GULP1: variants seen among roughly 807,000 people sequenced by gnomAD.
GULP1 encodes the protein GULP PTB domain containing engulfment adaptor 1.
GULP1 carries 19 observed loss-of-function variants against 40.9 expected under a neutral mutation model. The observed-to-expected ratio is 0.46, with a 90% CI of 0.32 to 0.68. The LOEUF (loss-of-function observed/expected upper bound fraction) is 0.68. Among genes scored for constraint, GULP1 ranks in the 30% least tolerant of loss-of-function variants. The probability of loss-of-function intolerance (pLI) is 0.03; values close to 1 mark genes in which losing one functional copy is unlikely to be tolerated. For synonymous variants in GULP1, 119 were observed against 117.6 expected (o/e 1.01, Z -0.08); for missense variants, 312 against 362.2 (o/e 0.86, Z 1.12).
intron 4 of GULP1, among the ~76,000 whole-genome samples, chr2:188,510,795 C>G (rs1294417882): frequency 4.0e-5 from 6 of 148,564 alleles, no homozygotes; most frequent in Non-Finnish European, 8.9e-5. Context: ...TGAAAGTAAC[C>G]AATACCAGTT....
chr2:188,323,650 ATG>A (rs112584285), intron 1 of GULP1, among the ~76,000 whole-genome samples: 12,142 of 143,246 alleles, frequency 0.085, 526 homozygotes, highest in Non-Finnish European at 0.094. Context: ...ATCTGAAGAT[ATG>A]TGTGTGTGTG....
intron 2 of GULP1, among the ~76,000 whole-genome samples, chr2:188,461,303 C>T (rs1447779686): frequency 1.4e-5 from 2 of 143,520 alleles, no homozygotes; most frequent in East Asian, 4.3e-4. Context: ...TCCTGGGCTT[C>T]ATTTTACTGG....
chr2:188,488,032 C>T (rs984279894), intron 4 of GULP1, among the ~76,000 whole-genome samples: 2 of 151,996 alleles, frequency 1.3e-5, no homozygotes, highest in Non-Finnish European at 2.9e-5. Flanking sequence ...TCAGATGTGA[C>T]AGTAAGATAT....
intron 1 of GULP1, among the ~76,000 whole-genome samples, chr2:188,315,760 G>A (rs2038979074): frequency 1.3e-5 from 2 of 151,860 alleles, no homozygotes; most frequent in South Asian, 4.2e-4. Flanking sequence ...TATAAATTAG[G>A]CACAGTAAAG....
intron 1 of GULP1, among the ~76,000 whole-genome samples, chr2:188,316,866 T>C (rs2039163075): frequency 6.6e-6 from 1 of 152,164 alleles, no homozygotes; most frequent in South Asian, 2.1e-4. Context: ...GTGCCAGGCA[T>C]GATAGGCTTT....
At chr2:188,392,879 T>G (rs2050713784) in intron 2 of GULP1, among the ~76,000 whole-genome samples, 1 of 152,082 alleles carries the variant, frequency 6.6e-6, no homozygotes, top group African/African-American at 2.4e-5. Context: ...TTAATTTCCA[T>G]GTATTTGTAT....
At chr2:188,415,038 G>T (rs1173374550) in intron 2 of GULP1, among the ~76,000 whole-genome samples, 1 of 152,078 alleles carries the variant, frequency 6.6e-6, no homozygotes, top group Non-Finnish European at 1.5e-5. Context: ...AGAATGCATT[G>T]TTTAAAGATG....
intron 2 of GULP1, among the ~76,000 whole-genome samples, chr2:188,458,096 C>G (rs1170737432): frequency 2.6e-5 from 4 of 152,130 alleles, no homozygotes; most frequent in African/African-American, 9.7e-5. Flanking sequence ...TCTACACTTT[C>G]CCATCACCAA....
chr2:188,460,286 A>G (rs1025931551), intron 2 of GULP1, among the ~76,000 whole-genome samples: 2 of 152,102 alleles, frequency 1.3e-5, no homozygotes, highest in Non-Finnish European at 2.9e-5. Context: ...AACATGGAAT[A>G]TCTTTGCATT....
intron 4 of GULP1, among the ~76,000 whole-genome samples, chr2:188,522,449 G>A (rs1158782862): frequency 6.6e-6 from 1 of 151,864 alleles, no homozygotes. Flanking sequence ...TAACTGTTGA[G>A]ATCAACATTA....
At chr2:188,471,064 T>C (rs2060548584) in intron 2 of GULP1, among the ~76,000 whole-genome samples, 2 of 152,150 alleles carry the variant, frequency 1.3e-5, no homozygotes, top group Non-Finnish European at 2.9e-5. Context: ...TAAAAATTGT[T>C]ATATCCTCTT....
intron 7 of GULP1, among the ~76,000 whole-genome samples, chr2:188,560,744 A>G (rs888764538): frequency 1.3e-5 from 2 of 152,194 alleles, no homozygotes; most frequent in African/African-American, 4.8e-5. Context: ...CAAGAAACAC[A>G]ATCATGACAG....
rs956252093 is a variant in GULP1 at position 188,550,683 on chromosome 2, C to T, written c.399+9365C>T. Among the ~76,000 whole-genome samples the T allele has an allele frequency of 2.0e-5, 3 of 151,530 alleles. No individual in the cohort carries two copies. The South Asian group carries it at 6.2e-4, about 31-fold the overall frequency. On this transcript the variant is annotated intron_variant, in intron 7 of 11. Coordinates refer to ENST00000409830, the MANE Select transcript of GULP1 (RefSeq NM_016315.4). ...ACTAGAAGGAATCACTGCATCCAGT[C>T]GTTTTACAAGGTCTGTCTGTGAGAA...
chr2:188,471,032 A>G (rs917233629), intron 2 of GULP1, among the ~76,000 whole-genome samples: 1 of 152,114 alleles, frequency 6.6e-6, no homozygotes, highest in Non-Finnish European at 1.5e-5. Context: ...CTATTATTGT[A>G]TTGGAGTCTA....
At chr2:188,549,265 T>C (rs1692819851) in intron 7 of GULP1, among the ~76,000 whole-genome samples, 1 of 151,732 alleles carries the variant, frequency 6.6e-6, no homozygotes. Flanking sequence ...AAACCACATA[T>C]CAGACAAATA....
chr2:188,510,039 G>A (rs929914113), intron 4 of GULP1, among the ~76,000 whole-genome samples: 19 of 152,034 alleles, frequency 1.2e-4, no homozygotes, highest in African/African-American at 4.3e-4. Context: ...TCCTGTGAAT[G>A]GTAAGCCCTG....
At chr2:188,377,092 A>G (rs954260272) in intron 1 of GULP1, among the ~76,000 whole-genome samples, 4 of 151,988 alleles carry the variant, frequency 2.6e-5, no homozygotes, top group African/African-American at 4.8e-5. Context: ...GAATTGCTTG[A>G]ACCTGGGAGG....
intron 1 of GULP1, among the ~76,000 whole-genome samples, chr2:188,318,523 A>C (rs771554997): frequency 6.6e-6 from 1 of 152,144 alleles, no homozygotes; most frequent in South Asian, 2.1e-4. Flanking sequence ...TCAACAACGG[A>C]GACAGGGCTG....
intron 4 of GULP1, among the ~76,000 whole-genome samples, chr2:188,517,422 G>A (rs2153222657): frequency 6.6e-6 from 1 of 152,036 alleles, no homozygotes; most frequent in South Asian, 2.1e-4. Flanking sequence ...TATTATGAAT[G>A]CAATATATCT....
Sources: allele counts gnomAD v4.1 joint callset (sites outside exome capture counted in the v4.1 genomes callset), GRCh38; gene constraint gnomAD v4.1.1; transcripts MANE v1.5; gene names NCBI Gene and HGNC (gene_info 2026-07-23, HGNC 2026-07-21).